GRID1: variants seen among roughly 807,000 people sequenced by gnomAD.
The protein encoded by GRID1 is glutamate receptor ionotropic, delta-1.
In GRID1, 28 loss-of-function variants were observed where a neutral mutation model predicts 98.0. That is an observed-to-expected ratio of 0.29 (90% CI 0.21 to 0.39). GRID1 has a LOEUF of 0.39. Ranked by LOEUF, GRID1 falls within the 10% of genes least tolerant of loss-of-function variation. The pLI, the probability that GRID1 is intolerant of heterozygous loss-of-function variation, is 1.00. For missense variants in GRID1, 1,111 were observed against 1,340.5 expected (o/e 0.83, Z 2.67); for synonymous variants, 553 against 538.5 (o/e 1.03, Z -0.37).
intron 8 of GRID1, among the ~76,000 whole-genome samples, chr10:85,762,254 T>G (rs552728329): frequency 6.6e-6 from 1 of 152,332 alleles, no homozygotes; most frequent in Admixed American, 6.5e-5. Flanking sequence ...ACATAATTAC[T>G]TTTCCAAATG....
chr10:86,135,380 C>T (rs1844908661), intron 4 of GRID1, among the ~76,000 whole-genome samples: 1 of 152,208 alleles, frequency 6.6e-6, no homozygotes, highest in Non-Finnish European at 1.5e-5. Context: ...AGGGACATTC[C>T]ATGGCCTGTA....
chr10:85,740,876 C>T (rs1176043361), intron 8 of GRID1, among the ~76,000 whole-genome samples: 2 of 151,938 alleles, frequency 1.3e-5, no homozygotes, highest in East Asian at 1.9e-4. Flanking sequence ...CTCAGCCTCC[C>T]GAGTAGCTGG....
chr10:86,366,004 G>T lies in GRID1; in HGVS notation c.79+310C>A, dbSNP rs1004121431. 2.0e-5 allele frequency among the ~76,000 whole-genome samples: 3 copies of T among 151,918 alleles called. No individual in the cohort carries two copies. Among genetic ancestry groups the T allele is most frequent in the Non-Finnish European group, 4.4e-5 (3 of 67,966 alleles). On this transcript the variant is annotated intron_variant, in intron 1 of 15. Transcript: ENST00000327946. The surrounding 1 kb of genome is among the most constrained non-coding windows in gnomAD (Gnocchi z 4.1). Reference sequence around the variant, plus strand: ...CGCAGAAGGGCCCTCCCGACCCGCCGACGGCCCCGCTAAGGGCGCGGGTCT... The same window carrying T: ...CGCAGAAGGGCCCTCCCGACCCGCCTACGGCCCCGCTAAGGGCGCGGGTCT...
At chr10:85,939,477 T>G (rs1383790062) in intron 4 of GRID1, among the ~76,000 whole-genome samples, 2 of 152,072 alleles carry the variant, frequency 1.3e-5, no homozygotes, top group Non-Finnish European at 2.9e-5. Flanking sequence ...TAGGATAGAG[T>G]GTGCTTCTTT....
intron 2 of GRID1, among the ~76,000 whole-genome samples, chr10:86,227,017 G>A (rs943399495): frequency 6.6e-6 from 1 of 152,164 alleles, no homozygotes; most frequent in Non-Finnish European, 1.5e-5. Context: ...TCTACCAGAG[G>A]AGCCACCCTG....
intron 2 of GRID1, among the ~76,000 whole-genome samples, chr10:86,285,694 T>C (rs916392932): frequency 4.6e-5 from 7 of 152,190 alleles, no homozygotes; most frequent in Non-Finnish European, 1.0e-4. Flanking sequence ...GGTGTTGGCA[T>C]GGCTGTAGGT....
chr10:86,168,414 G>C (rs958527421), intron 3 of GRID1, among the ~76,000 whole-genome samples: 1 of 152,116 alleles, frequency 6.6e-6, no homozygotes, highest in Non-Finnish European at 1.5e-5. Context: ...ACTGAGATGG[G>C]AGGCCCTGCC....
At chr10:86,292,748 G>A (rs772956012) in intron 2 of GRID1, among the ~76,000 whole-genome samples, 10 of 151,804 alleles carry the variant, frequency 6.6e-5, no homozygotes, top group Non-Finnish European at 1.2e-4. Context: ...TGTGAGTGTC[G>A]GGAGTGGGTG....
intron 2 of GRID1, among the ~76,000 whole-genome samples, chr10:86,353,698 A>C (rs990414423): frequency 3.9e-5 from 6 of 152,194 alleles, no homozygotes; most frequent in Non-Finnish European, 8.8e-5. Flanking sequence ...ACCCACCCTC[A>C]GCTCTCCAGG....
At chr10:85,822,362 C>G (rs908443203) in intron 8 of GRID1, among the ~76,000 whole-genome samples, 2 of 152,242 alleles carry the variant, frequency 1.3e-5, no homozygotes, top group Non-Finnish European at 2.9e-5. Flanking sequence ...ACAACCCCAT[C>G]AAAAAGTGGG....
intron 2 of GRID1, among the ~76,000 whole-genome samples, chr10:86,312,690 G>A (rs1240786236): frequency 6.6e-6 from 1 of 152,202 alleles, no homozygotes; most frequent in Non-Finnish European, 1.5e-5. Flanking sequence ...AGGTGACTTG[G>A]GAGACTGAGC....
rs140654553 is a variant in GRID1, at chr10:85,856,044, C to T, written c.1098G>A (p.Leu366=). The T allele has an allele frequency of 2.8e-3, 4,443 of 1,613,932 alleles. 14 individuals carry two copies. The highest frequency in any genetic ancestry group is 3.2e-3 in the South Asian group (289 of 91,068). Residue 366 remains leucine (L), a synonymous_variant, in exon 7 of 16, where the codon CTG becomes CTA. Coordinates refer to ENST00000327946, the MANE Select transcript of GRID1 (RefSeq NM_017551.3). ...TCACACGTACCTTTTTGATGGTATC[C>T]AGCATGGACCTCCCACCATTCCATG... ...TKPWNGGRSM[L]DTIKKGHITG...
rs574515012 is a variant in GRID1, at chr10:85,621,223, G to A, written c.2194-1190C>T. Among the ~76,000 whole-genome samples, 15 of 152,246 alleles carry A rather than the reference G, an allele frequency of 9.9e-5. No individual in the cohort carries two copies. In the South Asian group the frequency reaches 2.9e-3, roughly 30 times the overall value. On this transcript the variant is annotated intron_variant, in intron 13 of 15. Transcript: ENST00000327946. ...GTGAGCACACAGACACCCCTTTGCC[G>A]CTTCTTTCCTTTTTACCATGGCTTG...
At chr10:85,752,476 T>C (rs182675728) in intron 8 of GRID1, among the ~76,000 whole-genome samples, 220 of 152,338 alleles carry the variant, frequency 1.4e-3, no homozygotes, top group African/African-American at 5.0e-3. Context: ...AAAATAGATA[T>C]AAAATGGAAT....
intron 8 of GRID1, among the ~76,000 whole-genome samples, chr10:85,822,325 T>C (rs1213972570): frequency 6.6e-6 from 1 of 151,860 alleles, no homozygotes; most frequent in African/African-American, 2.4e-5. Context: ...TACAAAGAAC[T>C]CAAACAAATT....
intron 2 of GRID1, among the ~76,000 whole-genome samples, chr10:86,272,782 A>AT (rs1042553316): frequency 2.6e-5 from 4 of 152,182 alleles, no homozygotes; most frequent in African/African-American, 9.7e-5. Context: ...AAAAGTACCT[A>AT]TTTATACTGA....
intron 4 of GRID1, among the ~76,000 whole-genome samples, chr10:86,026,036 A>T (rs1843111880): frequency 6.6e-6 from 1 of 152,244 alleles, no homozygotes; most frequent in Non-Finnish European, 1.5e-5. Context: ...CTTCACTGGC[A>T]CTGCCCTCAA....
chr10:86,232,377 CTA>C (rs1208576972), intron 2 of GRID1, among the ~76,000 whole-genome samples: 1 of 152,200 alleles, frequency 6.6e-6, no homozygotes, highest in Non-Finnish European at 1.5e-5. Context: ...TTTCCAGTCT[CTA>C]TAATGGGGAC....
intron 4 of GRID1, among the ~76,000 whole-genome samples, chr10:86,069,755 C>G (rs1282848418): frequency 6.6e-6 from 1 of 152,180 alleles, no homozygotes; most frequent in Non-Finnish European, 1.5e-5. Flanking sequence ...GAAAAGATGT[C>G]CGGGAAGTTA....
Sources: allele counts gnomAD v4.1 joint callset (sites outside exome capture counted in the v4.1 genomes callset), GRCh38; gene constraint gnomAD v4.1.1; non-coding constraint Gnocchi (gnomAD v3.1); transcripts MANE v1.5; gene names NCBI Gene and HGNC (gene_info 2026-07-23, HGNC 2026-07-21).